Variants in KCND2 observed in about 807,000 individuals in gnomAD.
The protein encoded by KCND2 is A-type voltage-gated potassium channel KCND2.
Under a neutral mutation model 54.4 loss-of-function variants are expected in KCND2, and 16 were observed. The ratio of observed to expected loss-of-function variants is 0.29; its 90% CI spans 0.20 to 0.45. The LOEUF is 0.45. Ranked by LOEUF, KCND2 falls within the 20% of genes least tolerant of loss-of-function variation. The pLI is 1.00. For missense variants in KCND2, 486 were observed against 824.2 expected, an observed-to-expected ratio of 0.59 and a Z score of 5.02; for synonymous variants, 317 against 310.7, an observed-to-expected ratio of 1.02 and a Z score of -0.21.
chr7:120,432,501 GCACACA>G (rs10574734), intron 1 of KCND2, among the ~76,000 whole-genome samples: 10 of 137,696 alleles, frequency 7.3e-5, no homozygotes, highest in South Asian at 2.2e-4. Context: ...GTGAATACAC[GCACACA>G]CACACACACA....
intron 1 of KCND2, among the ~76,000 whole-genome samples, chr7:120,312,536 T>C (rs1411275857): frequency 6.6e-6 from 1 of 152,164 alleles, no homozygotes; most frequent in Admixed American, 6.5e-5. Flanking sequence ...GTAGAAGATA[T>C]CTGGAAAGGA....
At chr7:120,614,999 C>T (rs528098293) in intron 1 of KCND2, among the ~76,000 whole-genome samples, 8 of 152,204 alleles carry the variant, frequency 5.3e-5, no homozygotes, top group African/African-American at 9.6e-5. Flanking sequence ...AAGAATTCAG[C>T]GTAAGAAAAG....
At chr7:120,495,050 C>G (rs556638543) in intron 1 of KCND2, among the ~76,000 whole-genome samples, 2 of 152,290 alleles carry the variant, frequency 1.3e-5, no homozygotes, top group Middle Eastern at 6.8e-3. Flanking sequence ...TTCTACTCCC[C>G]TGAAATCATG....
intron 1 of KCND2, among the ~76,000 whole-genome samples, chr7:120,728,809 A>G (rs1792769597): frequency 6.6e-6 from 1 of 152,126 alleles, no homozygotes; most frequent in Non-Finnish European, 1.5e-5. Flanking sequence ...TGAAATAAAT[A>G]ATCCTACTGG....
rs1381708858 is a variant in KCND2 at position 120,398,176 on chromosome 7, CACACAT to C, written c.1115+122431_1115+122436del. Among the ~76,000 whole-genome samples the C allele has an allele frequency of 8.1e-5, 12 of 147,776 alleles. No individual in the cohort carries two copies. In the East Asian group the frequency reaches 2.5e-3, roughly 30 times the overall value. ...ATATACATATATACACACACACACA[CACACAT>C]ATATATATATTTAACAGTAAGATGA... is the stretch of plus-strand genomic sequence containing the variant. On this transcript the variant is annotated intron_variant, in intron 1 of 5. Transcript: ENST00000331113.
intron 1 of KCND2, among the ~76,000 whole-genome samples, chr7:120,375,023 A>G (rs995793493): frequency 1.3e-5 from 2 of 151,840 alleles, no homozygotes; most frequent in Non-Finnish European, 2.9e-5. Flanking sequence ...GGCTTCTTTA[A>G]CAGAGATGTC....
At chr7:120,570,537 C>CA (rs201428107) in intron 1 of KCND2, among the ~76,000 whole-genome samples, 1,936 of 151,876 alleles carry the variant, frequency 0.013, 13 homozygotes, top group Admixed American at 0.023. Context: ...GTTTTAATAA[C>CA]AAAAAAGTGT....
At chr7:120,439,854 A>G (rs972643953) in intron 1 of KCND2, among the ~76,000 whole-genome samples, 2 of 152,032 alleles carry the variant, frequency 1.3e-5, no homozygotes, top group African/African-American at 4.8e-5. Flanking sequence ...TTTTATGTCT[A>G]AATAGTGTTC....
At position 120,720,531 on chromosome 7, in the gene KCND2, G is replaced by T. The variant is rs552048716; in HGVS notation, c.1116-12372G>T. ...TGGCTTGTCATCTGGTTTCCTGCCA[G>T]TTGTGCCAGTGGAAAGCACTGGCAG... On this transcript the variant is annotated intron_variant, in intron 1 of 5. Coordinates refer to ENST00000331113, the MANE Select transcript of KCND2 (RefSeq NM_012281.3). Among the ~76,000 whole-genome samples the T allele has an allele frequency of 2.6e-5, 4 of 152,262 alleles. No individual in the cohort carries two copies. The East Asian group carries it at 7.7e-4, about 29-fold the overall frequency.
At chr7:120,517,183 A>T (rs913040675) in intron 1 of KCND2, among the ~76,000 whole-genome samples, 3 of 152,138 alleles carry the variant, frequency 2.0e-5, no homozygotes, top group Non-Finnish European at 2.9e-5. Flanking sequence ...TTGGATTTGC[A>T]CACAATTTTA....
intron 1 of KCND2, among the ~76,000 whole-genome samples, chr7:120,445,680 G>T (rs1802009643): frequency 6.6e-6 from 1 of 152,020 alleles, no homozygotes; most frequent in African/African-American, 2.4e-5. Flanking sequence ...TTTATTGGAA[G>T]AAACTAAAGA....
intron 1 of KCND2, among the ~76,000 whole-genome samples, chr7:120,412,347 G>A (rs1267372004): frequency 6.6e-6 from 1 of 151,990 alleles, no homozygotes; most frequent in Non-Finnish European, 1.5e-5. Flanking sequence ...TCTCAGTTCT[G>A]TTCCTGCATT....
intron 1 of KCND2, among the ~76,000 whole-genome samples, chr7:120,371,904 C>A (rs1453535031): frequency 1.3e-5 from 2 of 151,864 alleles, no homozygotes; most frequent in Non-Finnish European, 2.9e-5. Context: ...AATTACATAA[C>A]AACACATTTC....
At chr7:120,747,035 CATCTT>C (rs2116193557) in intron 5 of KCND2, 1 of 152,208 alleles carries the variant, frequency 6.6e-6, no homozygotes, top group African/African-American at 2.4e-5. Context: ...AGGACATAAA[CATCTT>C]AATTATGTTT....
intron 1 of KCND2, among the ~76,000 whole-genome samples, chr7:120,495,674 C>T (rs1179150605): frequency 1.3e-5 from 2 of 152,126 alleles, no homozygotes; most frequent in Non-Finnish European, 2.9e-5. Context: ...AAGGAAGCTG[C>T]ATGCACTTAT....
At chr7:120,367,105 T>A (rs1800696847) in intron 1 of KCND2, among the ~76,000 whole-genome samples, 2 of 152,148 alleles carry the variant, frequency 1.3e-5, no homozygotes, top group Admixed American at 1.3e-4. Flanking sequence ...GTCTTTATGA[T>A]ACATTATCCT....
rs73435868 is a variant in KCND2 at position 120,473,760 on chromosome 7, A to G, written c.1115+198013A>G. Among the ~76,000 whole-genome samples, 521 of 152,318 alleles carry G rather than the reference A, an allele frequency of 3.4e-3. 1 individual carries two copies. Among genetic ancestry groups the G allele is most frequent in the African/African-American group, 0.011 (476 of 41,572 alleles). On this transcript the variant is annotated intron_variant, in intron 1 of 5. Coordinates refer to ENST00000331113, the MANE Select transcript of KCND2 (RefSeq NM_012281.3). ...AATGAAAATAATCGTGACAGTGTAC[A>G]GGATTATTCAACTTTCATGGATAAA...
intron 1 of KCND2, among the ~76,000 whole-genome samples, chr7:120,724,505 T>A (rs532803609): frequency 2.0e-5 from 3 of 152,204 alleles, no homozygotes; most frequent in Non-Finnish European, 4.4e-5. Context: ...TAGAAAGTTA[T>A]TTGTTCCAGT....
chr7:120,389,086 A>G (rs1014563919), intron 1 of KCND2, among the ~76,000 whole-genome samples: 21 of 151,844 alleles, frequency 1.4e-4, no homozygotes, highest in Non-Finnish European at 2.9e-4. Context: ...AACACAGGCC[A>G]ACTGATTTTA....
Sources: gnomAD v4.1 joint callset for allele counts (sites outside exome capture counted in the v4.1 genomes callset) on GRCh38, gnomAD v4.1.1 for gene constraint, MANE v1.5 for transcripts, NCBI Gene and HGNC (gene_info 2026-07-23, HGNC 2026-07-21) for gene names.